GNB1: variants seen among roughly 807,000 people sequenced by gnomAD.
GNB1 encodes guanine nucleotide-binding protein G(I)/G(S)/G(T) subunit beta-1.
Under a neutral mutation model 42.9 loss-of-function variants are expected in GNB1, and 2 were observed. The ratio of observed to expected loss-of-function variants is 0.05; its 90% CI spans 0.02 to 0.15. GNB1 has a LOEUF of 0.15. Among genes scored for constraint, GNB1 ranks in the 10% least tolerant of loss-of-function variants. The pLI, the probability that GNB1 is intolerant of heterozygous loss-of-function variation, is 1.00. For synonymous variants in GNB1, 183 were observed against 174.7 expected, an observed-to-expected ratio of 1.05 and a Z score of -0.38; for missense variants, 193 against 462.2, an observed-to-expected ratio of 0.42 and a Z score of 5.34.
chr1:1,866,281 C>T (rs1648934931), intron 1 of GNB1, among the ~76,000 whole-genome samples: 1 of 152,208 alleles, frequency 6.6e-6, no homozygotes, highest in African/African-American at 2.4e-5. Flanking sequence ...TTCCTCCATT[C>T]ACCCCATGAG....
Position 1,814,568 on chromosome 1 carries a change from G to A in GNB1, c.203+1188C>T, listed in dbSNP as rs1477853906. The stretch of plus-strand genomic sequence containing the variant: ...AATCTCAGCACTTTGGGAGGCTGAG[G>A]TGGAAGGATCACTTAGGGGCCAGGA... On this transcript the variant is annotated intron_variant, in intron 5 of 11. Transcript: ENST00000378609. Among the ~76,000 whole-genome samples the A allele has an allele frequency of 2.6e-5, 4 of 152,210 alleles. No homozygotes were observed. The East Asian group carries it at 7.7e-4, about 29-fold the overall frequency.
chr1:1,815,112 T>TA lies in GNB1; in HGVS notation c.203+643dup, dbSNP rs762856445. ...GGGCAACACAGTGAGACTCCGTCTTTAAAAAAAAAAAAAAAAAGAGAAAAG... is the reference window on the plus strand; with the variant it reads ...GGGCAACACAGTGAGACTCCGTCTTTAAAAAAAAAAAAAAAAAAGAGAAAAG... On this transcript the variant is annotated intron_variant, in intron 5 of 11. Coordinates refer to ENST00000378609, the MANE Select transcript of GNB1 (RefSeq NM_002074.5). Among the ~76,000 whole-genome samples, 307 of 123,326 alleles carry TA rather than the reference T, an allele frequency of 2.5e-3. 1 individual carries two copies. Among genetic ancestry groups the TA allele is most frequent in the Middle Eastern group, 0.018 (4 of 222 alleles). The allele number at this position is 123,326 out of a possible 152,430, so 80.9% of individuals were successfully genotyped here.
At chr1:1,876,370 C>T (rs1471387177) in intron 1 of GNB1, among the ~76,000 whole-genome samples, 1 of 152,086 alleles carries the variant, frequency 6.6e-6, no homozygotes, top group East Asian at 1.9e-4. Flanking sequence ...ACTGCAGCCT[C>T]GAACTCCTGG....
intron 1 of GNB1, among the ~76,000 whole-genome samples, chr1:1,845,496 C>G (rs953826762): frequency 6.6e-6 from 1 of 152,110 alleles, no homozygotes; most frequent in Non-Finnish European, 1.5e-5. Flanking sequence ...TGGCGTGAAC[C>G]CAGGAGGCGG....
intron 1 of GNB1, among the ~76,000 whole-genome samples, chr1:1,873,281 C>G (rs1263296161): frequency 6.6e-6 from 1 of 152,210 alleles, no homozygotes; most frequent in African/African-American, 2.4e-5. Context: ...CCTCAAGTAG[C>G]CTGTCAAACT....
chr1:1,813,565 C>T (rs1646811654), intron 5 of GNB1, among the ~76,000 whole-genome samples: 1 of 152,168 alleles, frequency 6.6e-6, no homozygotes, highest in East Asian at 1.9e-4. Flanking sequence ...TCACTGCAAG[C>T]TCTGCTTCCC....
chr1:1,845,560 G>A (rs886449092), intron 1 of GNB1, among the ~76,000 whole-genome samples: 3 of 151,926 alleles, frequency 2.0e-5, no homozygotes, highest in Admixed American at 6.6e-5. Context: ...GTGACAGTGC[G>A]AGACTCCGTC....
intron 3 of GNB1, 197 bp from the exon 4 acceptor site, chr1:1,818,072 C>T (rs1646881047): frequency 2.0e-6 from 1 of 497,196 alleles, no homozygotes; most frequent in South Asian, 2.0e-5. Flanking sequence ...CCACGCTGAA[C>T]AGAGAACCAG....
intron 1 of GNB1, among the ~76,000 whole-genome samples, chr1:1,859,926 A>G (rs1426980985): frequency 6.6e-6 from 1 of 152,176 alleles, no homozygotes; most frequent in Non-Finnish European, 1.5e-5. Context: ...GGGGACGGAA[A>G]GCATTAGGAG....
chr1:1,801,968 T>A (rs768078083), intron 7 of GNB1, among the ~76,000 whole-genome samples: 6 of 151,844 alleles, frequency 4.0e-5, no homozygotes, highest in Non-Finnish European at 8.8e-5. Context: ...GCATTATGAG[T>A]GAGAAAGAAC....
chr1:1,849,919 G>A (rs550127449), intron 1 of GNB1, among the ~76,000 whole-genome samples: 3 of 152,002 alleles, frequency 2.0e-5, no homozygotes, highest in Admixed American at 6.6e-5. Context: ...TTCTTCCTAG[G>A]GCTCCAATTA....
intron 2 of GNB1, among the ~76,000 whole-genome samples, chr1:1,825,933 T>C (rs1646992408): frequency 6.6e-6 from 1 of 152,066 alleles, no homozygotes; most frequent in Non-Finnish European, 1.5e-5. Flanking sequence ...TCTTCAGCAT[T>C]CATCAGAACT....
chr1:1,858,132 T>A (rs1648407111), intron 1 of GNB1, among the ~76,000 whole-genome samples: 1 of 152,194 alleles, frequency 6.6e-6, no homozygotes, highest in Non-Finnish European at 1.5e-5. Flanking sequence ...GCACAGTCAC[T>A]GGTGTTTTTT....
At chr1:1,865,521 G>C (rs1184444498) in intron 1 of GNB1, among the ~76,000 whole-genome samples, 3 of 152,248 alleles carry the variant, frequency 2.0e-5, no homozygotes, top group East Asian at 3.9e-4. Context: ...GGGAAGCAGA[G>C]GTCGCAGTGA....
intron 5 of GNB1, among the ~76,000 whole-genome samples, chr1:1,814,720 G>A (rs192800794): frequency 6.6e-6 from 1 of 150,632 alleles, no homozygotes; most frequent in Non-Finnish European, 1.5e-5. Context: ...AAGGGTTACT[G>A]GAGCCTAGGA....
At chr1:1,824,104 A>C (rs987069093) in intron 3 of GNB1, among the ~76,000 whole-genome samples, 1 of 152,190 alleles carries the variant, frequency 6.6e-6, no homozygotes, top group Non-Finnish European at 1.5e-5. Flanking sequence ...TTGACAGAGC[A>C]AACAAGAGTA....
chr1:1,812,156 A>G (rs1646789242), intron 5 of GNB1, among the ~76,000 whole-genome samples: 1 of 152,184 alleles, frequency 6.6e-6, no homozygotes, highest in Admixed American at 6.5e-5. Context: ...AAGGCAGGAA[A>G]TATGAAGATT....
chr1:1,808,644 T>G (rs1570647950), intron 5 of GNB1, among the ~76,000 whole-genome samples: 8 of 84,940 alleles, frequency 9.4e-5, no homozygotes, highest in East Asian at 2.5e-4. Flanking sequence ...TTGTTTGTTT[T>G]TGTTTGTTTG....
At chr1:1,845,560 G>C (rs886449092) in intron 1 of GNB1, among the ~76,000 whole-genome samples, 1 of 151,926 alleles carries the variant, frequency 6.6e-6, no homozygotes, top group Non-Finnish European at 1.5e-5. Flanking sequence ...GTGACAGTGC[G>C]AGACTCCGTC....
Sources: gnomAD v4.1 joint callset for allele counts (sites outside exome capture counted in the v4.1 genomes callset) on GRCh38, gnomAD v4.1.1 for gene constraint, MANE v1.5 for transcripts, NCBI Gene and HGNC (gene_info 2026-07-23, HGNC 2026-07-21) for gene names.